MYO10: variants seen among roughly 807,000 people sequenced by gnomAD.
MYO10 encodes unconventional myosin-X.
MYO10 carries 133 observed loss-of-function variants against 257.3 expected under a neutral mutation model. The ratio of observed to expected loss-of-function variants is 0.52; its 90% CI spans 0.45 to 0.60. The LOEUF is 0.60. Ranked by LOEUF, MYO10 falls within the 20% of genes least tolerant of loss-of-function variation. The probability of loss-of-function intolerance (pLI) is 0.00; values close to 1 mark genes in which losing one functional copy is unlikely to be tolerated. For missense variants in MYO10, 2,399 were observed against 2,635.7 expected (o/e 0.91, Z 1.97); for synonymous variants, 1,104 against 1,028.6 (o/e 1.07, Z -1.40).
chr5:16,777,527 G>A (rs571868182), intron 9 of MYO10, among the ~76,000 whole-genome samples: 1 of 152,110 alleles, frequency 6.6e-6, no homozygotes, highest in South Asian at 2.1e-4. Context: ...GTCTTCCAGC[G>A]GCAGCCTAGG....
At chr5:16,798,302 T>C (rs1742025679) in intron 3 of MYO10, among the ~76,000 whole-genome samples, 1 of 152,120 alleles carries the variant, frequency 6.6e-6, no homozygotes, top group South Asian at 2.1e-4. Flanking sequence ...TGCCACTGAG[T>C]TGTACACTTC....
chr5:16,906,474 G>A lies in MYO10; in HGVS notation c.22-28767C>T, dbSNP rs1745522162. The stretch of plus-strand genomic sequence containing the variant: ...TAAATATTGCCAAATGTCCCCTGGA[G>A]GCAAAATCGCACTGTTGAGAAACCA... On this transcript the variant is annotated intron_variant, in intron 1 of 40. Transcript: ENST00000513610. Among the ~76,000 whole-genome samples, 3 of 152,288 alleles carry A rather than the reference G, an allele frequency of 2.0e-5. No individual in the cohort carries two copies. In the South Asian group the frequency reaches 6.2e-4, roughly 32 times the overall value.
At chr5:16,711,309 T>C in intron 19 of MYO10, 64 bp from the exon 20 acceptor site, 2 of 1,513,312 alleles carry the variant, frequency 1.3e-6, no homozygotes, top group Admixed American at 4.0e-5. Flanking sequence ...TAAGGGAGGC[T>C]TAATAAAGCC....
In MYO10 at chr5:16,701,508, C is replaced by T. The variant is rs752829494; in HGVS notation, c.2887G>A (p.Val963Met). 3 of 1,614,016 alleles carry T rather than the reference C, an allele frequency of 1.9e-6. No individual in the cohort carries two copies. Among genetic ancestry groups the T allele is most frequent in the South Asian group, 2.2e-5 (2 of 91,082 alleles). Reference sequence around the variant, plus strand: ...AGCTCGCTGGAAAATTCGCTTCCCACCGACAGGGACCGCTCGATATTCCGG... The same window carrying T: ...AGCTCGCTGGAAAATTCGCTTCCCATCGACAGGGACCGCTCGATATTCCGG... ...CVRNIERSLSVGSEFSSELAE... is the reference protein window; with the variant it reads ...CVRNIERSLSMGSEFSSELAE... Residue 963 changes from valine to methionine, a missense_variant, in exon 25 of 41, where the codon GTG (valine) becomes ATG (methionine). By Grantham distance (21) the Val-to-Met change is conservative. This residue lies in a region of MYO10 where 1,820 missense variants were observed against 1,939.4 expected (regional missense o/e 0.94). Transcript: ENST00000513610. This position sits in a 1 kb window ranked among gnomAD's most constrained non-coding sequence, Gnocchi z 8.1.
At chr5:16,895,480 C>A (rs950498835) in intron 1 of MYO10, among the ~76,000 whole-genome samples, 1 of 152,138 alleles carries the variant, frequency 6.6e-6, no homozygotes, top group African/African-American at 2.4e-5. Flanking sequence ...TCTCCACTAC[C>A]CCTGGATGAC....
At chr5:16,775,042 T>C (rs1186734276) in intron 9 of MYO10, among the ~76,000 whole-genome samples, 2 of 152,154 alleles carry the variant, frequency 1.3e-5, no homozygotes, top group African/African-American at 4.8e-5. Context: ...AATAAACAGA[T>C]GATCACTCAG....
intron 18 of MYO10, among the ~76,000 whole-genome samples, chr5:16,755,807 C>T (rs1453943853): frequency 6.7e-6 from 1 of 149,970 alleles, no homozygotes; most frequent in Non-Finnish European, 1.5e-5. Context: ...AGCTTCAGCT[C>T]AGGGCTAATC....
chr5:16,729,666 G>A (rs986677631), intron 19 of MYO10, among the ~76,000 whole-genome samples: 1 of 152,020 alleles, frequency 6.6e-6, no homozygotes, highest in African/African-American at 2.4e-5. Flanking sequence ...GAATGGTCTC[G>A]ATCTCCTGAC....
Position 16,792,126 on chromosome 5 carries a change from CACACACAGAG to C in MYO10, c.467+2510_467+2519del, listed in dbSNP as rs1211251172. On this transcript the variant is annotated intron_variant, in intron 4 of 40. Transcript: ENST00000513610. The stretch of plus-strand genomic sequence containing the variant: ...ACACATACATACACACACACACACA[CACACACAGAG>C]AGAGAGAGAGAGAGAGAGAGAGAGA... Among the ~76,000 whole-genome samples, 380 of 122,600 alleles carry C rather than the reference CACACACAGAG, an allele frequency of 3.1e-3. 2 individuals carry two copies. The highest frequency in any genetic ancestry group is 0.02 in the East Asian group (93 of 4,670). 80.4% of individuals were successfully genotyped at this position (122,600 alleles called of 152,430 possible). A position where few individuals can be genotyped will look rare whatever the true frequency, so the allele number is the denominator to read the frequency against.
intron 6 of MYO10, among the ~76,000 whole-genome samples, 169 bp from the exon 7 acceptor site, chr5:16,780,910 C>T (rs1741402349): frequency 6.6e-6 from 1 of 152,154 alleles, no homozygotes; most frequent in Non-Finnish European, 1.5e-5. Flanking sequence ...TAGACTATTT[C>T]ATCTAAATCT....
At chr5:16,927,325 T>C (rs550438774) in intron 1 of MYO10, among the ~76,000 whole-genome samples, 82 of 149,562 alleles carry the variant, frequency 5.5e-4, no homozygotes, top group African/African-American at 1.9e-3. Context: ...TGTTTGTTTG[T>C]TTATTTATTT....
intron 19 of MYO10, among the ~76,000 whole-genome samples, chr5:16,715,400 T>A (rs1295130679): frequency 7.1e-6 from 1 of 140,430 alleles, no homozygotes; most frequent in African/African-American, 2.6e-5. Flanking sequence ...AAATTTTTTT[T>A]TTTTTTTTTT....
chr5:16,701,677 C>T lies in MYO10; in HGVS notation c.2718G>A (p.Gln906=), dbSNP rs559778967. The change falls in exon 25 of 41, where the codon CAG becomes CAA. Residue 906 remains glutamine, a synonymous_variant. Coordinates refer to ENST00000513610, the MANE Select transcript of MYO10 (RefSeq NM_012334.3). This position sits in a 1 kb window ranked among gnomAD's most constrained non-coding sequence, Gnocchi z 8.1. ...AAGCCTCGGTCAGCGACAGCTCCTG[C>T]TGCTCCTTCATGCGCTGCAGGTCCT... ...EIEDLQRMKE[Q]QELSLTEASL... The T allele has an allele frequency of 1.2e-6, 2 of 1,613,940 alleles. No homozygotes were observed. The highest frequency in any genetic ancestry group is 1.7e-5 in the Admixed American group (1 of 60,016).
intron 1 of MYO10, among the ~76,000 whole-genome samples, chr5:16,914,025 C>A (rs1170592041): frequency 6.6e-6 from 1 of 152,170 alleles, no homozygotes; most frequent in African/African-American, 2.4e-5. Context: ...GGAAACACAC[C>A]TGAAGATACC....
intron 19 of MYO10, among the ~76,000 whole-genome samples, chr5:16,735,034 G>A (rs1739734017): frequency 6.6e-6 from 1 of 152,120 alleles, no homozygotes; most frequent in African/African-American, 2.4e-5. Context: ...CCAATGACCT[G>A]TGGCTGGTAA....
chr5:16,740,191 G>A (rs1739966402), intron 19 of MYO10, among the ~76,000 whole-genome samples: 1 of 152,100 alleles, frequency 6.6e-6, no homozygotes, highest in African/African-American at 2.4e-5. Flanking sequence ...GTCTTCTGAG[G>A]GAGTGACAGC....
intron 2 of MYO10, among the ~76,000 whole-genome samples, chr5:16,852,990 G>A (rs1743851682): frequency 6.6e-6 from 1 of 152,152 alleles, no homozygotes. Flanking sequence ...AATGAAATGG[G>A]AATGGTTCTC....
chr5:16,869,780 G>A (rs948568656), intron 2 of MYO10, among the ~76,000 whole-genome samples: 10 of 151,258 alleles, frequency 6.6e-5, no homozygotes, highest in South Asian at 6.2e-4. Flanking sequence ...CAGAAGAATC[G>A]CTTGAACGCA....
intron 2 of MYO10, among the ~76,000 whole-genome samples, chr5:16,868,478 C>T (rs945660144): frequency 1.1e-4 from 17 of 152,192 alleles, no homozygotes; most frequent in African/African-American, 3.4e-4. Flanking sequence ...GTGGCACCTG[C>T]CTGTAGTCCC....
Sources: gnomAD v4.1 joint callset for allele counts (sites outside exome capture counted in the v4.1 genomes callset) on GRCh38, gnomAD v4.1.1 for gene constraint, gnomAD v4.1.1 regional missense constraint, Gnocchi (gnomAD v3.1) non-coding constraint, MANE v1.5 for transcripts, NCBI Gene and HGNC (gene_info 2026-07-23, HGNC 2026-07-21) for gene names.